The following MTCL2 variants were observed in gnomAD, a reference collection of about 807,000 sequenced individuals.
MTCL2 encodes the protein microtubule cross-linking factor 2.
At chr20:36,862,336 G>T in the MTCL2 span, among the ~76,000 whole-genome samples, 1 of 152,338 alleles carries the variant, frequency 6.6e-6, no homozygotes, top group East Asian at 1.9e-4. Flanking sequence ...TGAAGGCAGA[G>T]ATCCATCCCT....
chr20:36,783,856 G>A, the MTCL2 span: 1 of 985,270 alleles, frequency 1.0e-6, no homozygotes, highest in Non-Finnish European at 1.2e-6. Flanking sequence ...CAAGTAAAAT[G>A]CTAAAAACCG....
the MTCL2 span, among the ~76,000 whole-genome samples, chr20:36,831,200 C>T: frequency 6.6e-6 from 1 of 152,240 alleles, no homozygotes; most frequent in African/African-American, 2.4e-5. Flanking sequence ...ACATTGGGAA[C>T]TACTGTTTGG....
At chr20:36,856,925 A>C in the MTCL2 span, among the ~76,000 whole-genome samples, 1 of 152,114 alleles carries the variant, frequency 6.6e-6, no homozygotes, top group Non-Finnish European at 1.5e-5. Context: ...CTGTGGGCAA[A>C]TGCTACATGC....
the MTCL2 span, chr20:36,793,541 G>A: frequency 1.3e-6 from 2 of 1,551,720 alleles, no homozygotes. This position sits in a 1 kb window ranked among gnomAD's most constrained non-coding sequence, Gnocchi z 6.8. Flanking sequence ...CCGCGTCTCA[G>A]ACATGCCTAG....
the MTCL2 span, chr20:36,816,197 C>T: frequency 1.2e-6 from 2 of 1,613,550 alleles, no homozygotes; most frequent in South Asian, 1.1e-5. Flanking sequence ...ACTTCAGCAG[C>T]TCCTCCTTCA....
At chr20:36,815,302 G>C in the MTCL2 span, 3 of 1,613,942 alleles carry the variant, frequency 1.9e-6, no homozygotes, top group Non-Finnish European at 2.5e-6. The surrounding 1 kb of genome is among the most constrained non-coding windows in gnomAD (Gnocchi z 5.3). Context: ...AGGCGCACCA[G>C]GATGGCATGG....
chr20:36,839,303 G>C, the MTCL2 span: 1 of 1,612,410 alleles, frequency 6.2e-7, no homozygotes, highest in Admixed American at 1.7e-5. The surrounding 1 kb of genome is among the most constrained non-coding windows in gnomAD (Gnocchi z 5.1). Flanking sequence ...TCGGCTTTGC[G>C]CAGCCGGTAC....
chr20:36,790,153 G>A, the MTCL2 span, among the ~76,000 whole-genome samples: 3 of 151,832 alleles, frequency 2.0e-5, no homozygotes, highest in Admixed American at 2.0e-4. Context: ...CACCACGCCT[G>A]GCTAACTTTT....
the MTCL2 span, chr20:36,794,506 A>G: frequency 6.2e-7 from 1 of 1,614,054 alleles, no homozygotes; most frequent in Non-Finnish European, 8.5e-7. The surrounding 1 kb of genome is among the most constrained non-coding windows in gnomAD (Gnocchi z 5.4). Flanking sequence ...CAGGGTTGTT[A>G]GGCAGCTTCT....
the MTCL2 span, among the ~76,000 whole-genome samples, chr20:36,816,592 C>T: frequency 1.5e-3 from 223 of 152,238 alleles, no homozygotes; most frequent in Non-Finnish European, 2.5e-3. Context: ...GTAACATTAC[C>T]TCCCTCCCAG....
At chr20:36,817,543 A>G in the MTCL2 span, 2 of 1,426,148 alleles carry the variant, frequency 1.4e-6, no homozygotes, top group Admixed American at 2.3e-5. Flanking sequence ...ACATGCAGAG[A>G]GCTGTCACAG....
chr20:36,820,971 G>A, the MTCL2 span, among the ~76,000 whole-genome samples: 2 of 152,238 alleles, frequency 1.3e-5, no homozygotes, highest in Admixed American at 6.5e-5. Context: ...GAGGCAGTTA[G>A]GGAAGGCTTT....
At chr20:36,841,895 G>GTT in the MTCL2 span, among the ~76,000 whole-genome samples, 1 of 150,998 alleles carries the variant, frequency 6.6e-6, no homozygotes. Flanking sequence ...GTGTGTGTGT[G>GTT]TGTGTGTGTG....
the MTCL2 span, among the ~76,000 whole-genome samples, chr20:36,819,408 G>A: frequency 6.6e-6 from 1 of 152,130 alleles, no homozygotes; most frequent in African/African-American, 2.4e-5. Flanking sequence ...TCTAATCTGA[G>A]TCCCATTTTT....
the MTCL2 span, chr20:36,804,706 G>C: frequency 6.2e-7 from 1 of 1,606,944 alleles, no homozygotes; most frequent in Non-Finnish European, 8.5e-7. Flanking sequence ...AGAGTAAGGG[G>C]AGAGGCGTCT....
the MTCL2 span, among the ~76,000 whole-genome samples, chr20:36,787,010 T>C: frequency 6.6e-6 from 1 of 152,078 alleles, no homozygotes; most frequent in Non-Finnish European, 1.5e-5. Flanking sequence ...TTTTTTCGTT[T>C]GAGACAGGGT....
the MTCL2 span, among the ~76,000 whole-genome samples, chr20:36,820,742 T>G: frequency 9.2e-5 from 14 of 151,772 alleles, no homozygotes; most frequent in Admixed American, 2.6e-4. Flanking sequence ...CTAGGGAGAC[T>G]GGGGCAGGAG....
chr20:36,790,689 G>A, the MTCL2 span, among the ~76,000 whole-genome samples: 2,736 of 150,664 alleles, frequency 0.018, 22 homozygotes, highest in African/African-American at 0.021. Flanking sequence ...CACCTGCCTC[G>A]GCCTCCCAAA....
the MTCL2 span, chr20:36,796,922 C>T: frequency 6.2e-7 from 1 of 1,613,976 alleles, no homozygotes; most frequent in Non-Finnish European, 8.5e-7. Flanking sequence ...TCGGAAACAG[C>T]CTCCTTGTCG....
Sources: allele counts gnomAD v4.1 joint callset (sites outside exome capture counted in the v4.1 genomes callset), GRCh38; gene constraint gnomAD v4.1.1; non-coding constraint Gnocchi (gnomAD v3.1); transcripts MANE v1.5; gene names NCBI Gene and HGNC (gene_info 2026-07-23, HGNC 2026-07-21).